The following ZNF236 variants were observed in gnomAD, a reference collection of about 807,000 sequenced individuals.
ZNF236 encodes the protein zinc finger protein 236, also known as regulated by glucose.
A neutral mutation model predicts 191.2 loss-of-function variants in ZNF236; 50 were observed. The observed-to-expected ratio is 0.26, with a 90% CI of 0.21 to 0.33. ZNF236 has a LOEUF of 0.33. Ranked by LOEUF, ZNF236 falls within the 10% of genes least tolerant of loss-of-function variation. The pLI, the probability that ZNF236 is intolerant of heterozygous loss-of-function variation, is 1.00. For missense variants in ZNF236, 1,754 were observed against 2,374.5 expected, an observed-to-expected ratio of 0.74 and a Z score of 5.43; for synonymous variants, 907 against 928.8, an observed-to-expected ratio of 0.98 and a Z score of 0.43.
intron 28 of ZNF236, among the ~76,000 whole-genome samples, chr18:76,957,432 G>A (rs1388888038): frequency 6.6e-6 from 1 of 152,208 alleles, no homozygotes; most frequent in Admixed American, 6.5e-5. Flanking sequence ...TCCCTCCAGG[G>A]GCTGGTGAGC....
intron 3 of ZNF236, among the ~76,000 whole-genome samples, chr18:76,852,386 C>T (rs1325796218): frequency 6.6e-6 from 1 of 152,184 alleles, no homozygotes; most frequent in African/African-American, 2.4e-5. Context: ...AGCTTATACA[C>T]CAAAGTGACC....
At chr18:76,947,963 C>T (rs966536317) in intron 27 of ZNF236, among the ~76,000 whole-genome samples, 2 of 152,206 alleles carry the variant, frequency 1.3e-5, no homozygotes, top group South Asian at 4.1e-4. Context: ...TTATATTTGC[C>T]TGCTGATCAG....
At chr18:76,855,125 T>C (rs1331806725) in intron 3 of ZNF236, among the ~76,000 whole-genome samples, 5 of 152,196 alleles carry the variant, frequency 3.3e-5, no homozygotes, top group African/African-American at 9.6e-5. Flanking sequence ...GGTTTCGCCA[T>C]GTTGGCCAGG....
chr18:76,842,158 A>C (rs971401235), intron 1 of ZNF236, among the ~76,000 whole-genome samples: 1 of 152,200 alleles, frequency 6.6e-6, no homozygotes, highest in African/African-American at 2.4e-5. Flanking sequence ...TCTGGATGTT[A>C]GTTTTCTTAT....
Position 76,927,841 on chromosome 18 carries a change from G to A in ZNF236, c.4415-86G>A. 1 of 1,014,524 alleles carries A rather than the reference G, an allele frequency of 9.9e-7. No homozygotes were observed. The highest frequency in any genetic ancestry group is 1.4e-6 in the Non-Finnish European group (1 of 722,860). 62.8% of individuals were successfully genotyped at this position (1,014,524 alleles called of 1,614,324 possible). On this transcript the variant is annotated intron_variant, in intron 24 of 30. Coordinates refer to ENST00000320610, the MANE Select transcript of ZNF236 (RefSeq NM_001306089.2). The surrounding 1 kb of genome is among the most constrained non-coding windows in gnomAD (Gnocchi z 5.4). The stretch of plus-strand genomic sequence containing the variant: ...TGTCTTATTGAAATATGTAATAACA[G>A]TTTAATTAAAATATTTTTAATATAA...
intron 11 of ZNF236, among the ~76,000 whole-genome samples, chr18:76,899,715 T>C (rs1382183299): frequency 6.6e-6 from 1 of 152,240 alleles, no homozygotes; most frequent in Non-Finnish European, 1.5e-5. Flanking sequence ...TATGATTTTG[T>C]TGATGATCTA....
chr18:76,884,954 G>T (rs752624510), intron 9 of ZNF236: 2 of 152,166 alleles, frequency 1.3e-5, no homozygotes, highest in African/African-American at 4.8e-5. Context: ...CTCAGTAAGT[G>T]TACTGCAGTA....
chr18:76,957,141 T>C (rs901769759), intron 28 of ZNF236, among the ~76,000 whole-genome samples: 5 of 149,768 alleles, frequency 3.3e-5, no homozygotes, highest in Admixed American at 6.6e-5. Context: ...GGGGTTCCTG[T>C]GTATGTTGGG....
intron 3 of ZNF236, among the ~76,000 whole-genome samples, chr18:76,856,080 A>T: frequency 6.6e-6 from 1 of 150,464 alleles, no homozygotes; most frequent in Non-Finnish European, 1.5e-5. Flanking sequence ...ATTATTACTT[A>T]AAAAAAAATA....
At chr18:76,827,389 T>C (rs1214986226) in intron 1 of ZNF236, among the ~76,000 whole-genome samples, 2 of 152,200 alleles carry the variant, frequency 1.3e-5, no homozygotes, top group Non-Finnish European at 2.9e-5. Context: ...GGTTTCACCC[T>C]GTTAGCTAGG....
intron 1 of ZNF236, among the ~76,000 whole-genome samples, chr18:76,835,231 G>A (rs1041377982): frequency 2.0e-5 from 3 of 152,018 alleles, no homozygotes; most frequent in Non-Finnish European, 4.4e-5. Flanking sequence ...TACCTTCATT[G>A]TTACTGATTT....
intron 27 of ZNF236, among the ~76,000 whole-genome samples, chr18:76,948,302 T>G (rs1439018029): frequency 6.6e-6 from 1 of 152,146 alleles, no homozygotes; most frequent in African/African-American, 2.4e-5. Flanking sequence ...AATAATGACT[T>G]ACCGGTTTTT....
chr18:76,932,087 C>T (rs1045804103), intron 25 of ZNF236, among the ~76,000 whole-genome samples: 1 of 152,194 alleles, frequency 6.6e-6, no homozygotes, highest in Non-Finnish European at 1.5e-5. Flanking sequence ...TGTTCTGGAT[C>T]TCAGAATAAA....
chr18:76,857,881 A>G (rs371549175), intron 3 of ZNF236, among the ~76,000 whole-genome samples: 1 of 152,224 alleles, frequency 6.6e-6, no homozygotes, highest in South Asian at 2.1e-4. Context: ...AGAACTGATC[A>G]TGTTTATAAT....
At chr18:76,910,866 T>C (rs1967201011) in intron 16 of ZNF236, 55 bp downstream of exon 16, 2 of 1,576,398 alleles carry the variant, frequency 1.3e-6, no homozygotes, top group Non-Finnish European at 1.7e-6. Flanking sequence ...TGCTATGTTA[T>C]TCTTCACTGT....
rs775566201 is a variant in ZNF236, at chr18:76,927,392, C to T, written c.4289C>T (p.Thr1430Met). ...QNSSLQTSDSTVPASVVIQPI... is the reference protein window; with the variant it reads ...QNSSLQTSDSMVPASVVIQPI... ...AGCTCTCTCCAGACATCGGACAGCA[C>T]GGTCCCTGCCAGTGTTGTCATCCAG... is the stretch of plus-strand genomic sequence containing the variant. The change falls in exon 24 of 31, where the codon ACG (threonine) becomes ATG (methionine). Residue 1430 changes from threonine (T) to methionine (M), a missense_variant. Thr to Met is a moderately conservative substitution (Grantham distance 81, BLOSUM62 -1). This residue lies in a region of ZNF236 where 606 missense variants were observed against 761.5 expected (regional missense o/e 0.80). Coordinates refer to ENST00000320610, the MANE Select transcript of ZNF236 (RefSeq NM_001306089.2). The surrounding 1 kb of genome is among the most constrained non-coding windows in gnomAD (Gnocchi z 5.4). 12 of 1,614,096 alleles carry T rather than the reference C, an allele frequency of 7.4e-6. No individual in the cohort carries two copies. The highest frequency in any genetic ancestry group is 1.6e-4 in the Middle Eastern group (1 of 6,084).
chr18:76,830,896 G>A, intron 1 of ZNF236, among the ~76,000 whole-genome samples: 1 of 152,286 alleles, frequency 6.6e-6, no homozygotes, highest in East Asian at 1.9e-4. Flanking sequence ...GACTTGGCCT[G>A]TTTTTCTACT....
chr18:76,953,028 T>C (rs1022581880), intron 27 of ZNF236, among the ~76,000 whole-genome samples: 3 of 152,208 alleles, frequency 2.0e-5, no homozygotes, highest in African/African-American at 7.2e-5. Context: ...AGCAACAGCC[T>C]TTGCTTTTTA....
chr18:76,902,064 T>C (rs1301352201), intron 11 of ZNF236, among the ~76,000 whole-genome samples: 3 of 152,204 alleles, frequency 2.0e-5, no homozygotes, highest in African/African-American at 4.8e-5. Flanking sequence ...AAATGGGATA[T>C]ATTTTGCTTG....
Sources: gnomAD v4.1 joint callset for allele counts (sites outside exome capture counted in the v4.1 genomes callset) on GRCh38, gnomAD v4.1.1 for gene constraint, gnomAD v4.1.1 regional missense constraint, Gnocchi (gnomAD v3.1) non-coding constraint, MANE v1.5 for transcripts, NCBI Gene and HGNC (gene_info 2026-07-23, HGNC 2026-07-21) for gene names.